Variants in OPRM1 observed in about 807,000 individuals in gnomAD.
OPRM1 encodes mu-type opioid receptor.
A neutral mutation model predicts 31.8 loss-of-function variants in OPRM1; 27 were observed. The observed-to-expected ratio is 0.85, with a 90% CI of 0.63 to 1.17. The LOEUF is 1.17. Among genes scored for constraint, OPRM1 ranks in the 50% most tolerant of loss-of-function variants. The pLI, the probability that OPRM1 is intolerant of heterozygous loss-of-function variation, is 0.00. For missense variants in OPRM1, 536 were observed against 511.1 expected, an observed-to-expected ratio of 1.05 and a Z score of -0.47; for synonymous variants, 196 against 189.9, an observed-to-expected ratio of 1.03 and a Z score of -0.26.
chr6:154,042,678 T>C (rs1027159951), intron 1 of OPRM1, among the ~76,000 whole-genome samples: 1 of 152,152 alleles, frequency 6.6e-6, no homozygotes, highest in African/African-American at 2.4e-5. Flanking sequence ...TAAACAGGGC[T>C]ACTCTAAGGA....
intron 1 of OPRM1, among the ~76,000 whole-genome samples, chr6:154,062,225 T>C (rs1306049122): frequency 2.0e-5 from 3 of 152,118 alleles, no homozygotes; most frequent in Admixed American, 6.6e-5. Flanking sequence ...ATTTCAGAAG[T>C]AGTAGATGAT....
At chr6:154,183,003 G>A (rs1051285274) in intron 3 of OPRM1, among the ~76,000 whole-genome samples, 2 of 150,564 alleles carry the variant, frequency 1.3e-5, no homozygotes, top group Non-Finnish European at 3.0e-5. Flanking sequence ...TTTTTGAGAC[G>A]GACTCTCGCT....
rs1797298784 is a variant in OPRM1, at chr6:154,121,532, G to A, written c.*2811G>A. Among the ~76,000 whole-genome samples, 1 of 152,158 alleles carries A rather than the reference G, an allele frequency of 6.6e-6. No individual in the cohort carries two copies. Among genetic ancestry groups the A allele is most frequent in the South Asian group, 2.1e-4 (1 of 4,824 alleles). The stretch of plus-strand genomic sequence containing the variant: ...CTCTTCTAAGACACGGCTATGAGTA[G>A]GTAAGAGAGCATTCATTCCCTTCAA... On this transcript the variant is annotated 3_prime_UTR_variant, in exon 4 of 4. Coordinates refer to ENST00000330432, the MANE Select transcript of OPRM1 (RefSeq NM_000914.5).
intron 3 of OPRM1, chr6:154,199,779 C>T: frequency 6.2e-7 from 1 of 1,614,242 alleles, no homozygotes; most frequent in Non-Finnish European, 8.5e-7. Flanking sequence ...AATCCACTTT[C>T]TGATGTGACA....
chr6:154,086,690 G>A, intron 1 of OPRM1: 1 of 985,124 alleles, frequency 1.0e-6, no homozygotes, highest in Non-Finnish European at 1.2e-6. Context: ...GAAGTATGAT[G>A]AGTCAGAAAA....
At chr6:154,197,712 T>C (rs1776726408) in intron 3 of OPRM1, among the ~76,000 whole-genome samples, 1 of 152,180 alleles carries the variant, frequency 6.6e-6, no homozygotes, top group South Asian at 2.1e-4. Context: ...TCTTCCCATG[T>C]CTCTGGCTAT....
At chr6:154,080,328 T>C (rs1427598971) in intron 1 of OPRM1, among the ~76,000 whole-genome samples, 3 of 152,350 alleles carry the variant, frequency 2.0e-5, no homozygotes, top group South Asian at 2.1e-4. Context: ...TCCTGATAAA[T>C]TGTATTTCAG....
At chr6:154,214,559 T>C (rs1226692371) in intron 3 of OPRM1, among the ~76,000 whole-genome samples, 2 of 152,238 alleles carry the variant, frequency 1.3e-5, no homozygotes, top group Non-Finnish European at 2.9e-5. Flanking sequence ...CAAACACATC[T>C]TCTGTAATCC....
At chr6:154,242,133 G>A (rs370289205) in intron 3 of OPRM1, among the ~76,000 whole-genome samples, 5 of 152,250 alleles carry the variant, frequency 3.3e-5, no homozygotes, top group East Asian at 3.9e-4. Flanking sequence ...GGCACAGCTC[G>A]TTTATATTTT....
intron 3 of OPRM1, among the ~76,000 whole-genome samples, chr6:154,242,849 T>C (rs960090911): frequency 6.6e-6 from 1 of 151,506 alleles, no homozygotes; most frequent in Admixed American, 6.6e-5. Flanking sequence ...GATAACACCA[T>C]TGTACTCCAG....
intron 1 of OPRM1, among the ~76,000 whole-genome samples, chr6:154,056,209 C>T (rs1274479654): frequency 6.6e-6 from 1 of 152,012 alleles, no homozygotes; most frequent in Non-Finnish European, 1.5e-5. Context: ...CTGCAACCTC[C>T]GCCTCCCAGG....
intron 1 of OPRM1, among the ~76,000 whole-genome samples, chr6:154,068,520 C>T (rs1389779155): frequency 3.3e-5 from 5 of 152,102 alleles, no homozygotes; most frequent in Non-Finnish European, 7.4e-5. Flanking sequence ...GACCCACGGT[C>T]ACAAATGACA....
At chr6:154,200,128 C>T (rs1776944212) in intron 3 of OPRM1, 2 of 1,229,280 alleles carry the variant, frequency 1.6e-6, no homozygotes, top group South Asian at 3.2e-5. Context: ...ATCACGGTGT[C>T]CCCGTGTTAT....
At chr6:154,013,908 A>T (rs533728882) in intron 1 of OPRM1, among the ~76,000 whole-genome samples, 1 of 152,258 alleles carries the variant, frequency 6.6e-6, no homozygotes, top group South Asian at 2.1e-4. Flanking sequence ...AGCTCATTCT[A>T]TTGGGGAAAG....
intron 1 of OPRM1, among the ~76,000 whole-genome samples, chr6:154,076,686 C>T (rs1465811958): frequency 6.6e-6 from 1 of 152,150 alleles, no homozygotes; most frequent in Non-Finnish European, 1.5e-5. Flanking sequence ...CAAAACTGAG[C>T]TCTTCAATCC....
intron 1 of OPRM1, among the ~76,000 whole-genome samples, chr6:154,055,743 G>C (rs186424886): frequency 2.0e-3 from 309 of 152,290 alleles, no homozygotes; most frequent in African/African-American, 6.7e-3. Context: ...ACAGGCAACT[G>C]CAACTCATTT....
At chr6:154,046,713 G>A (rs1271872858) in intron 1 of OPRM1, 3 of 152,086 alleles carry the variant, frequency 2.0e-5, no homozygotes, top group Non-Finnish European at 4.4e-5. Flanking sequence ...TAGAAAGGAA[G>A]AACAGCAAGG....
chr6:154,058,487 A>C (rs534856548), intron 1 of OPRM1, among the ~76,000 whole-genome samples: 1 of 152,350 alleles, frequency 6.6e-6, no homozygotes, highest in South Asian at 2.1e-4. Context: ...GTCAGAATGC[A>C]TCAATTATCT....
At chr6:154,078,390 A>G (rs953770893) in intron 1 of OPRM1, among the ~76,000 whole-genome samples, 16 of 152,192 alleles carry the variant, frequency 1.1e-4, no homozygotes, top group African/African-American at 3.9e-4. Flanking sequence ...CAGGTCTGTT[A>G]CCCTTAACAC....
Sources: allele counts gnomAD v4.1 joint callset (sites outside exome capture counted in the v4.1 genomes callset), GRCh38; gene constraint gnomAD v4.1.1; transcripts MANE v1.5; gene names NCBI Gene and HGNC (gene_info 2026-07-23, HGNC 2026-07-21).